The following DPP10 variants were observed in gnomAD, a reference collection of about 807,000 sequenced individuals.
DPP10 encodes dipeptidyl peptidase like 10, also known as inactive dipeptidyl peptidase 10.
A neutral mutation model predicts 120.9 loss-of-function variants in DPP10; 33 were observed. The ratio of observed to expected loss-of-function variants is 0.27; its 90% CI spans 0.21 to 0.37. The LOEUF (loss-of-function observed/expected upper bound fraction) is 0.37, where lower values mean the gene tolerates loss of function less well. DPP10 is among the 10% of genes least tolerant of loss of function. The probability of loss-of-function intolerance (pLI) is 1.00; values close to 1 mark genes in which losing one functional copy is unlikely to be tolerated. For synonymous variants in DPP10, 337 were observed against 326.1 expected (o/e 1.03, Z -0.36); for missense variants, 816 against 942.8 (o/e 0.87, Z 1.76).
At chr2:115,274,226 C>A (rs966289965) in intron 1 of DPP10, among the ~76,000 whole-genome samples, 1 of 152,138 alleles carries the variant, frequency 6.6e-6, no homozygotes, top group Non-Finnish European at 1.5e-5. Flanking sequence ...CTTGAGAATA[C>A]AGCCTGATTG....
At chr2:114,972,706 G>C (rs1699477013) in intron 1 of DPP10, among the ~76,000 whole-genome samples, 1 of 152,132 alleles carries the variant, frequency 6.6e-6, no homozygotes, top group African/African-American at 2.4e-5. Flanking sequence ...GAGAAAGAAG[G>C]TTTCTCTTCA....
At chr2:115,010,147 A>G (rs1319755060) in intron 1 of DPP10, among the ~76,000 whole-genome samples, 1 of 152,232 alleles carries the variant, frequency 6.6e-6, no homozygotes, top group Non-Finnish European at 1.5e-5. Context: ...CCAGACATCT[A>G]TGCATCAAGT....
intron 1 of DPP10, among the ~76,000 whole-genome samples, chr2:114,772,208 A>G (rs1035861389): frequency 8.6e-5 from 13 of 151,698 alleles, no homozygotes; most frequent in Non-Finnish European, 1.6e-4. Flanking sequence ...TCCAGGCTGG[A>G]GTGCAGTGGC....
intron 3 of DPP10, among the ~76,000 whole-genome samples, chr2:115,390,859 T>C (rs926401608): frequency 6.6e-5 from 10 of 152,192 alleles, no homozygotes; most frequent in African/African-American, 2.4e-4. Flanking sequence ...TCACTCTCTC[T>C]GACATCCAGG....
intron 5 of DPP10, among the ~76,000 whole-genome samples, chr2:115,552,743 A>T (rs1446654200): frequency 1.3e-5 from 2 of 152,116 alleles, no homozygotes; most frequent in African/African-American, 4.8e-5. Flanking sequence ...ATATTTATTA[A>T]TGAAAAACCT....
At chr2:115,566,129 G>C (rs889751882) in intron 5 of DPP10, among the ~76,000 whole-genome samples, 1 of 152,064 alleles carries the variant, frequency 6.6e-6, no homozygotes, top group Non-Finnish European at 1.5e-5. Flanking sequence ...AAGTGATATT[G>C]TGTTTTTCAA....
intron 1 of DPP10, among the ~76,000 whole-genome samples, chr2:114,443,598 A>G (rs1447369696): frequency 7.2e-5 from 11 of 152,048 alleles, no homozygotes; most frequent in Non-Finnish European, 8.8e-5. Flanking sequence ...ACTTCCAATC[A>G]AAGTTTACTA....
rs151013987 is a variant in DPP10, at chr2:115,526,851, A to C, written c.441+879A>C. Among the ~76,000 whole-genome samples, 528 of 152,200 alleles carry C rather than the reference A, an allele frequency of 3.5e-3. 2 individuals carry two copies. The highest frequency in any genetic ancestry group is 0.012 in the African/African-American group (491 of 41,550). ...ATACATGTGCTATATTTTTAAGGTT[A>C]TATTTTTTGACTTAAGTAATTTATG... On this transcript the variant is annotated intron_variant, in intron 5 of 25. Transcript: ENST00000410059.
chr2:115,073,444 T>A (rs1021638192), intron 1 of DPP10, among the ~76,000 whole-genome samples: 2 of 152,152 alleles, frequency 1.3e-5, no homozygotes, highest in African/African-American at 4.8e-5. Flanking sequence ...TGGAGGTGGG[T>A]GTGTGGTGGA....
chr2:115,341,236 A>T (rs181396191), intron 2 of DPP10, among the ~76,000 whole-genome samples: 2 of 152,156 alleles, frequency 1.3e-5, no homozygotes, highest in African/African-American at 2.4e-5. Context: ...CTTTTGAAAC[A>T]TGTAATACCC....
rs141502543 is a variant in DPP10 at position 115,103,379 on chromosome 2, G to A, written c.61-205860G>A. On this transcript the variant is annotated intron_variant, in intron 1 of 25. Coordinates refer to ENST00000410059, the MANE Select transcript of DPP10 (RefSeq NM_020868.6). ...ATTTTTTTGTACTTTTAGTACAGGCGGGGTTTCACCATGTTAGCCAGGATG... is the reference window on the plus strand; with the variant it reads ...ATTTTTTTGTACTTTTAGTACAGGCAGGGTTTCACCATGTTAGCCAGGATG... Among the ~76,000 whole-genome samples, 14 of 152,088 alleles carry A rather than the reference G, an allele frequency of 9.2e-5. 2 individuals carry two copies. The highest frequency in any genetic ancestry group is 2.4e-4 in the African/African-American group (10 of 41,510).
At chr2:115,707,414 C>T (rs1356824700) in intron 7 of DPP10, among the ~76,000 whole-genome samples, 1 of 128,452 alleles carries the variant, frequency 7.8e-6, no homozygotes, top group African/African-American at 2.9e-5. Flanking sequence ...AAGAAACAAA[C>T]AAATTTTACA....
chr2:114,686,917 G>A (rs975163341), intron 1 of DPP10, among the ~76,000 whole-genome samples: 118 of 151,978 alleles, frequency 7.8e-4, no homozygotes, highest in African/African-American at 2.6e-3. Flanking sequence ...CCAGAACCAA[G>A]TTTATAGTAT....
intron 2 of DPP10, 25 bp downstream of exon 2, chr2:115,309,378 A>C (rs1264579642): frequency 1.3e-6 from 2 of 1,595,826 alleles, no homozygotes; most frequent in African/African-American, 1.3e-5. Context: ...TTCCTCTCTT[A>C]TGATGGATGG....
At chr2:115,644,409 G>C (rs185926933) in intron 5 of DPP10, among the ~76,000 whole-genome samples, 1 of 152,088 alleles carries the variant, frequency 6.6e-6, no homozygotes, top group African/African-American at 2.4e-5. Flanking sequence ...GAGAACATGC[G>C]GTGTTTGGTT....
intron 1 of DPP10, among the ~76,000 whole-genome samples, chr2:115,087,000 G>A (rs1451559247): frequency 6.6e-6 from 1 of 152,194 alleles, no homozygotes; most frequent in East Asian, 1.9e-4. Context: ...AGAGCAAACA[G>A]TGCAGAGTGT....
chr2:115,662,844 G>C (rs1241865329), intron 5 of DPP10, among the ~76,000 whole-genome samples: 1 of 152,132 alleles, frequency 6.6e-6, no homozygotes, highest in Non-Finnish European at 1.5e-5. Context: ...AACATAGAAT[G>C]ATGTATGTAA....
chr2:114,586,885 C>T (rs1489306964), intron 1 of DPP10, among the ~76,000 whole-genome samples: 3 of 152,326 alleles, frequency 2.0e-5, no homozygotes, highest in African/African-American at 4.8e-5. Context: ...CGTACTGGCT[C>T]CCCTTTGCCT....
intron 1 of DPP10, among the ~76,000 whole-genome samples, chr2:114,909,306 G>T (rs963424059): frequency 1.3e-5 from 2 of 151,846 alleles, no homozygotes; most frequent in Non-Finnish European, 2.9e-5. Flanking sequence ...ACTCCTGATG[G>T]TACAAATTAT....
Sources: allele counts gnomAD v4.1 joint callset (sites outside exome capture counted in the v4.1 genomes callset), GRCh38; gene constraint gnomAD v4.1.1; transcripts MANE v1.5; gene names NCBI Gene and HGNC (gene_info 2026-07-23, HGNC 2026-07-21).